The following NCKAP5 variants were observed in gnomAD, a reference collection of about 807,000 sequenced individuals.
The protein encoded by NCKAP5 is NCK associated protein 5, also known as nck-associated protein 5.
NCKAP5 carries 92 observed loss-of-function variants against 167.0 expected under a neutral mutation model. The ratio of observed to expected loss-of-function variants is 0.55; its 90% CI spans 0.47 to 0.66. NCKAP5 has a LOEUF of 0.66. Ranked by LOEUF, NCKAP5 falls within the 30% of genes least tolerant of loss-of-function variation. NCKAP5 has a pLI of 0.00. For missense variants in NCKAP5, 2,378 were observed against 2,315.0 expected (o/e 1.03, Z -0.56); for synonymous variants, 891 against 877.4 (o/e 1.02, Z -0.27).
At chr2:132,778,134 T>C (rs1373219861) in intron 15 of NCKAP5, among the ~76,000 whole-genome samples, 1 of 152,076 alleles carries the variant, frequency 6.6e-6, no homozygotes, top group Non-Finnish European at 1.5e-5. Context: ...ACTGACTTAA[T>C]ACCAAAGCAG....
intron 6 of NCKAP5, among the ~76,000 whole-genome samples, chr2:133,004,810 C>T (rs546321882): frequency 1.1e-4 from 16 of 152,290 alleles, no homozygotes; most frequent in Admixed American, 2.6e-4. Context: ...GCATATTTCA[C>T]CCCTTATCTT....
At chr2:133,481,574 T>C (rs1680437431) in intron 3 of NCKAP5, among the ~76,000 whole-genome samples, 1 of 152,154 alleles carries the variant, frequency 6.6e-6, no homozygotes, top group Non-Finnish European at 1.5e-5. Context: ...CCTGATCCTC[T>C]CCCTCCTCCC....
chr2:133,323,296 CAT>C (rs1286813332), intron 3 of NCKAP5, among the ~76,000 whole-genome samples: 7 of 152,276 alleles, frequency 4.6e-5, no homozygotes, highest in Admixed American at 2.6e-4. Context: ...CAGTGTCTGA[CAT>C]AGAGATCTCA....
chr2:133,273,424 C>A (rs550002682), intron 4 of NCKAP5, among the ~76,000 whole-genome samples: 1 of 151,954 alleles, frequency 6.6e-6, no homozygotes, highest in East Asian at 1.9e-4. Flanking sequence ...GGCTCATTAC[C>A]CAATCTTCAC....
At chr2:133,536,913 T>C (rs567855274) in intron 2 of NCKAP5, among the ~76,000 whole-genome samples, 1 of 152,194 alleles carries the variant, frequency 6.6e-6, no homozygotes, top group South Asian at 2.1e-4. Flanking sequence ...ACTTCTATTA[T>C]GGAAGTTTTA....
chr2:133,205,723 T>C (rs1274966079), intron 5 of NCKAP5, among the ~76,000 whole-genome samples: 2 of 152,202 alleles, frequency 1.3e-5, no homozygotes, highest in African/African-American at 4.8e-5. Context: ...CTGATATCTT[T>C]ATGGTATTCC....
intron 3 of NCKAP5, among the ~76,000 whole-genome samples, chr2:133,359,224 C>A (rs1436214521): frequency 6.6e-6 from 1 of 152,288 alleles, no homozygotes; most frequent in Admixed American, 6.5e-5. Context: ...GTGACTTAAT[C>A]AGTCCTCTCT....
At chr2:133,542,435 C>T (rs1575129337) in intron 2 of NCKAP5, among the ~76,000 whole-genome samples, 1 of 152,246 alleles carries the variant, frequency 6.6e-6, no homozygotes. Context: ...GGAAAATCCA[C>T]GATCATTTGC....
At chr2:132,786,748 G>C (rs1452540849) in intron 13 of NCKAP5, among the ~76,000 whole-genome samples, 1 of 152,158 alleles carries the variant, frequency 6.6e-6, no homozygotes, top group Non-Finnish European at 1.5e-5. Flanking sequence ...AGACAACTGA[G>C]ACTCATTGTT....
At chr2:133,013,266 G>T (rs2078222877) in intron 6 of NCKAP5, among the ~76,000 whole-genome samples, 1 of 152,134 alleles carries the variant, frequency 6.6e-6, no homozygotes, top group Non-Finnish European at 1.5e-5. Context: ...AGGGCTGCTG[G>T]GCTGTTGTGA....
intron 11 of NCKAP5, among the ~76,000 whole-genome samples, chr2:132,850,041 G>T (rs563738528): frequency 6.6e-6 from 1 of 152,284 alleles, no homozygotes; most frequent in South Asian, 2.1e-4. Context: ...CCAATAACCA[G>T]GGAGGGGGGT....
intron 3 of NCKAP5, among the ~76,000 whole-genome samples, chr2:133,423,352 C>G (rs1689599692): frequency 6.6e-6 from 1 of 152,144 alleles, no homozygotes; most frequent in Non-Finnish European, 1.5e-5. Flanking sequence ...ATCCTGGAAG[C>G]ACAGTTTGAT....
intron 5 of NCKAP5, among the ~76,000 whole-genome samples, chr2:133,143,238 C>A (rs1009217775): frequency 6.6e-5 from 10 of 152,006 alleles, no homozygotes; most frequent in African/African-American, 2.4e-4. Flanking sequence ...AGTTACCTGC[C>A]ATCTTAGTAC....
At chr2:133,165,722 G>T (rs942041434) in intron 5 of NCKAP5, among the ~76,000 whole-genome samples, 5 of 152,122 alleles carry the variant, frequency 3.3e-5, no homozygotes, top group African/African-American at 1.2e-4. Context: ...TTGCCTTTAA[G>T]ATCACCTGCC....
At chr2:133,380,195 G>A (rs1044648623) in intron 3 of NCKAP5, among the ~76,000 whole-genome samples, 2 of 152,076 alleles carry the variant, frequency 1.3e-5, no homozygotes, top group Admixed American at 6.6e-5. Flanking sequence ...GTCTAAAAGG[G>A]CACACACCAA....
the NCKAP5 span, among the ~76,000 whole-genome samples, chr2:133,638,599 C>T: frequency 3.9e-5 from 6 of 152,274 alleles, no homozygotes; most frequent in East Asian, 1.2e-3. Context: ...GTGGCTCACG[C>T]CTATAATCCC....
chr2:133,396,797 A>G (rs1251698041), intron 3 of NCKAP5, among the ~76,000 whole-genome samples: 1 of 152,222 alleles, frequency 6.6e-6, no homozygotes. Flanking sequence ...AATTCAACCC[A>G]TAACATACAG....
intron 5 of NCKAP5, among the ~76,000 whole-genome samples, chr2:133,170,579 G>C (rs1346966056): frequency 6.6e-6 from 1 of 152,090 alleles, no homozygotes; most frequent in African/African-American, 2.4e-5. Flanking sequence ...CACTGTGTTT[G>C]TATTTTTGCC....
intron 8 of NCKAP5, among the ~76,000 whole-genome samples, chr2:132,920,329 A>G (rs1695216789): frequency 6.6e-6 from 1 of 152,088 alleles, no homozygotes; most frequent in East Asian, 1.9e-4. Context: ...CATTCCACAG[A>G]GGAGGAGCTG....
Sources: allele counts gnomAD v4.1 joint callset (sites outside exome capture counted in the v4.1 genomes callset), GRCh38; gene constraint gnomAD v4.1.1; transcripts MANE v1.5; gene names NCBI Gene and HGNC (gene_info 2026-07-23, HGNC 2026-07-21).